The following LRRC17 variants were observed in gnomAD, a reference collection of about 807,000 sequenced individuals.
The protein encoded by LRRC17 is leucine-rich repeat-containing protein 17.
In LRRC17, 33 loss-of-function variants were observed where a neutral mutation model predicts 41.5. The observed-to-expected ratio is 0.80, with a 90% CI of 0.60 to 1.06. The LOEUF is 1.06. LRRC17 is among the 50% of genes least tolerant of loss of function. LRRC17 has a pLI of 0.00. For synonymous variants in LRRC17, 192 were observed against 197.0 expected, an observed-to-expected ratio of 0.97 and a Z score of 0.21; for missense variants, 491 against 519.3, an observed-to-expected ratio of 0.95 and a Z score of 0.53.
At chr7:102,922,565 A>G (rs1158172630) in intron 1 of LRRC17, among the ~76,000 whole-genome samples, 1 of 152,224 alleles carries the variant, frequency 6.6e-6, no homozygotes, top group African/African-American at 2.4e-5. Context: ...ATGATAAAAC[A>G]TACCATATTC....
intron 1 of LRRC17, among the ~76,000 whole-genome samples, chr7:102,924,146 G>A (rs923100994): frequency 4.0e-5 from 6 of 151,382 alleles, no homozygotes; most frequent in African/African-American, 1.5e-4. Context: ...GCTGAGGCAG[G>A]AGAATTGCTT....
intron 1 of LRRC17, among the ~76,000 whole-genome samples, chr7:102,917,159 G>T (rs1460713179): frequency 6.6e-6 from 1 of 152,180 alleles, no homozygotes; most frequent in African/African-American, 2.4e-5. Context: ...TAAATGGAGT[G>T]ATCTGGCCTT....
chr7:102,917,003 T>C (rs1382106548), intron 1 of LRRC17, among the ~76,000 whole-genome samples: 1 of 152,148 alleles, frequency 6.6e-6, no homozygotes, highest in Non-Finnish European at 1.5e-5. Context: ...AAAGTATGTA[T>C]TTAAATAAAA....
intron 1 of LRRC17, among the ~76,000 whole-genome samples, chr7:102,921,505 C>A (rs1175872952): frequency 6.6e-6 from 1 of 151,534 alleles, no homozygotes; most frequent in Non-Finnish European, 1.5e-5. Context: ...TGTGGTGAAA[C>A]CCTGTCTCTA....
intron 1 of LRRC17, among the ~76,000 whole-genome samples, chr7:102,932,429 T>C (rs1819357190): frequency 6.6e-6 from 1 of 151,886 alleles, no homozygotes; most frequent in African/African-American, 2.4e-5. Flanking sequence ...TCTCTATCTA[T>C]AGCCCTCAAT....
chr7:102,938,816 T>C (rs1820826165), intron 2 of LRRC17, among the ~76,000 whole-genome samples: 1 of 152,230 alleles, frequency 6.6e-6, no homozygotes, highest in Non-Finnish European at 1.5e-5. Flanking sequence ...TTCCTGTGTT[T>C]TTCTAAGCCA....
intron 2 of LRRC17, among the ~76,000 whole-genome samples, chr7:102,939,017 G>A (rs1231295243): frequency 1.3e-5 from 2 of 152,148 alleles, no homozygotes; most frequent in African/African-American, 4.8e-5. Flanking sequence ...CCATTTATTT[G>A]TGGTTAACCC....
At chr7:102,935,809 G>C (rs1426373389) in intron 2 of LRRC17, among the ~76,000 whole-genome samples, 2 of 152,136 alleles carry the variant, frequency 1.3e-5, no homozygotes, top group Non-Finnish European at 2.9e-5. Context: ...ATTAAGTGAG[G>C]TTCATATAGA....
At chr7:102,923,092 A>G (rs1817402909) in intron 1 of LRRC17, among the ~76,000 whole-genome samples, 1 of 152,208 alleles carries the variant, frequency 6.6e-6, no homozygotes, top group Admixed American at 6.5e-5. Context: ...TATGTCAAAG[A>G]GGTATGTCCA....
At chr7:102,926,043 A>C (rs1267205374) in intron 1 of LRRC17, among the ~76,000 whole-genome samples, 1 of 152,178 alleles carries the variant, frequency 6.6e-6, no homozygotes, top group Non-Finnish European at 1.5e-5. Flanking sequence ...GGCAAAGTCT[A>C]ACTCAAGCTA....
intron 3 of LRRC17, among the ~76,000 whole-genome samples, chr7:102,943,107 T>A (rs1016142501): frequency 1.1e-4 from 16 of 152,176 alleles, no homozygotes; most frequent in Admixed American, 9.8e-4. Context: ...TACAACCAGA[T>A]GTTTTCAAAA....
chr7:102,915,700 C>A (rs547435126), intron 1 of LRRC17, among the ~76,000 whole-genome samples: 35 of 150,982 alleles, frequency 2.3e-4, no homozygotes, highest in African/African-American at 8.1e-4. Context: ...ACAAAAACAG[C>A]CAATTATATT....
chr7:102,913,011 G>A lies in LRRC17; in HGVS notation c.-275G>A, dbSNP rs1336939808. The A allele has an allele frequency of 1.6e-5, 26 of 1,596,176 alleles. No homozygotes were observed. The highest frequency in any genetic ancestry group is 5.6e-5 in the South Asian group (5 of 89,912). ...GGTCCGTGCACAGCATTAGTATAAC[G>A]TGAGGGCTGAATGCAGCCCATTCTC... is the stretch of plus-strand genomic sequence containing the variant. On this transcript the variant is annotated 5_prime_UTR_variant, in exon 1 of 4. In the 5' UTR this introduces an upstream ATG that the reference lacks. Transcript: ENST00000339431.
At chr7:102,927,387 C>T (rs1467871929) in intron 1 of LRRC17, among the ~76,000 whole-genome samples, 1 of 152,148 alleles carries the variant, frequency 6.6e-6, no homozygotes, top group Non-Finnish European at 1.5e-5. Context: ...AGATGTGGTT[C>T]TGAGAAGAAT....
Position 102,934,697 on chromosome 7 carries a change from TCTTA to T in LRRC17, c.772+16_772+19del, listed in dbSNP as rs768188544. On this transcript the variant is annotated intron_variant, in intron 2 of 3. Transcript: ENST00000339431. ...CTGCAAAAGGAAAGGTTTGTACTTT[TCTTA>T]CTTTTTCATTTTCATGAATAACTTG... is the stretch of plus-strand genomic sequence containing the variant. 6.9e-5 allele frequency: 107 copies of T among 1,560,424 alleles called. No homozygotes were observed. The highest frequency in any genetic ancestry group is 8.5e-5 in the Non-Finnish European group (98 of 1,158,928).
In LRRC17 at chr7:102,934,142, C is replaced by G. The variant is rs1175609792; in HGVS notation, c.229C>G (p.Pro77Ala). 6.2e-7 allele frequency: 1 copy of G among 1,614,122 alleles called. No homozygotes were observed. The highest frequency in any genetic ancestry group is 8.5e-7 in the Non-Finnish European group (1 of 1,179,982). Residue 77 changes from proline (P) to alanine (A), a missense_variant, in exon 2 of 4, where the codon CCT (proline) becomes GCT (alanine). Coordinates refer to ENST00000339431, the MANE Select transcript of LRRC17 (RefSeq NM_001031692.3). ...CQERKLVYVL[P>A]GWPQDLLHML... is the part of the protein sequence containing the mutation. Reference sequence around the variant, plus strand: ...AGAAAGAAAATTAGTTTATGTGCTGCCTGGTTGGCCTCAGGATTTGCTGCA... The same window carrying G: ...AGAAAGAAAATTAGTTTATGTGCTGGCTGGTTGGCCTCAGGATTTGCTGCA...
chr7:102,935,728 T>C (rs979527176), intron 2 of LRRC17, among the ~76,000 whole-genome samples: 2 of 152,164 alleles, frequency 1.3e-5, no homozygotes, highest in South Asian at 2.1e-4. Context: ...TAACGAACCA[T>C]GTAACAATGT....
chr7:102,938,746 G>C (rs6968713), intron 2 of LRRC17, among the ~76,000 whole-genome samples: 118,507 of 152,180 alleles, frequency 0.78, 46,491 homozygotes, highest in Middle Eastern at 0.84. Context: ...AATTCTCATT[G>C]AAGTTCTAAG....
chr7:102,916,791 T>G (rs1488347680), intron 1 of LRRC17, among the ~76,000 whole-genome samples: 1 of 147,974 alleles, frequency 6.8e-6, no homozygotes, highest in East Asian at 2.1e-4. Context: ...CTGTTTCTTA[T>G]GGGGGGGGGT....
Sources: gnomAD v4.1 joint callset for allele counts (sites outside exome capture counted in the v4.1 genomes callset) on GRCh38, gnomAD v4.1.1 for gene constraint, MANE v1.5 for transcripts, NCBI Gene and HGNC (gene_info 2026-07-23, HGNC 2026-07-21) for gene names.